The following MPHOSPH10 variants were observed in gnomAD, a reference collection of about 807,000 sequenced individuals.
The protein encoded by MPHOSPH10 is M-phase phosphoprotein 10.
MPHOSPH10 carries 33 observed loss-of-function variants against 77.3 expected under a neutral mutation model. The ratio of observed to expected loss-of-function variants is 0.43; its 90% CI spans 0.32 to 0.57. MPHOSPH10 has a LOEUF of 0.57. Ranked by LOEUF, MPHOSPH10 falls within the 20% of genes least tolerant of loss-of-function variation. The pLI is 0.07. For missense variants in MPHOSPH10, 708 were observed against 780.1 expected, an observed-to-expected ratio of 0.91 and a Z score of 1.10; for synonymous variants, 245 against 268.0, an observed-to-expected ratio of 0.91 and a Z score of 0.84.
In MPHOSPH10 at chr2:71,133,942, T is replaced by C; in HGVS notation, c.769-6T>C. ...ATTAATAGTTTTTAATATCTTTTTA[T>C]TTTAGTCAGGTAAAAGTTCCAGAAA... On this transcript the variant is annotated splice_region_variant and splice_polypyrimidine_tract_variant and intron_variant, in intron 2 of 10. Transcript: ENST00000244230. 6.6e-7 allele frequency: 1 copy of C among 1,520,862 alleles called. No individual in the cohort carries two copies. The highest frequency in any genetic ancestry group is 2.1e-5 in the Admixed American group (1 of 48,166). The allele number at this position is 1,520,862 out of a possible 1,614,324, so 94.2% of individuals were successfully genotyped here. A position where few individuals can be genotyped will look rare whatever the true frequency, so the allele number is the denominator to read the frequency against.
chr2:71,142,924 T>C (rs957701001), intron 7 of MPHOSPH10, among the ~76,000 whole-genome samples: 1 of 152,096 alleles, frequency 6.6e-6, no homozygotes, highest in Non-Finnish European at 1.5e-5. Flanking sequence ...TCTTAGGCAT[T>C]TAGAATAAGC....
chr2:71,141,103 A>C (rs1242842891), intron 6 of MPHOSPH10, 129 bp from the exon 7 acceptor site: 1 of 391,856 alleles, frequency 2.6e-6, no homozygotes, highest in Non-Finnish European at 3.7e-6. Context: ...TTTACTATTA[A>C]TATATTAATG....
chr2:71,149,167 G>C, intron 9 of MPHOSPH10, 56 bp from the exon 10 acceptor site: 1 of 1,470,298 alleles, frequency 6.8e-7, no homozygotes, highest in Non-Finnish European at 9.1e-7. Context: ...TTCCATTCCA[G>C]TTTCCTAGTT....
chr2:71,142,433 A>G (rs566834348), intron 7 of MPHOSPH10, among the ~76,000 whole-genome samples: 9 of 152,352 alleles, frequency 5.9e-5, no homozygotes, highest in East Asian at 3.9e-4. Flanking sequence ...AAAATTAGAT[A>G]GGTAATGCAA....
chr2:71,144,545 G>A lies in MPHOSPH10; in HGVS notation c.1557+7G>A, dbSNP rs1248180692. 2 of 1,592,866 alleles carry A rather than the reference G, an allele frequency of 1.3e-6. No individual in the cohort carries two copies. The highest frequency in any genetic ancestry group is 1.7e-5 in the Admixed American group (1 of 59,946). Reference sequence around the variant, plus strand: ...CCACTTTATCCCTAAACCGGTAAGTGTGTTAACAGTTCAGTGTGTAGCTAG... The same window carrying A: ...CCACTTTATCCCTAAACCGGTAAGTATGTTAACAGTTCAGTGTGTAGCTAG... On this transcript the variant is annotated splice_region_variant and intron_variant, in intron 8 of 10. Transcript: ENST00000244230.
chr2:71,141,309 T>C lies in MPHOSPH10; in HGVS notation c.1386T>C (p.His462=), dbSNP rs1325134740. The C allele has an allele frequency of 1.9e-6, 3 of 1,571,080 alleles. No homozygotes were observed. In the African/African-American group the frequency reaches 4.1e-5, roughly 22 times the overall value. Reference sequence around the variant, plus strand: ...ATAAAAAGCGTTTAACCTTAGACCATGAGAAGAGTAAATTGAGCCTTGCTG... The same window carrying C: ...ATAAAAAGCGTTTAACCTTAGACCACGAGAAGAGTAAATTGAGCCTTGCTG... ...YEYKKRLTLD[H]EKSKLSLAEI... Residue 462 remains histidine (H), a synonymous_variant, in exon 7 of 11, where the codon CAT becomes CAC. Transcript: ENST00000244230.
chr2:71,130,750 C>G lies in MPHOSPH10; in HGVS notation c.85C>G (p.Leu29Val), dbSNP rs1296398420. 1 of 1,607,834 alleles carries G rather than the reference C, an allele frequency of 6.2e-7. No homozygotes were observed. Among genetic ancestry groups the G allele is most frequent in the South Asian group, 1.1e-5 (1 of 90,664 alleles). Residue 29 changes from leucine to valine, a missense_variant, in exon 1 of 11, where the codon CTC becomes GTC. Physicochemically the swap from Leu to Val is conservative, Grantham distance 32 (BLOSUM62 1). Around this residue, in one of 3 missense-constraint regions of MPHOSPH10, gnomAD observed 433 missense variants for 432.6 expected, o/e 1.00. Coordinates refer to ENST00000244230, the MANE Select transcript of MPHOSPH10 (RefSeq NM_005791.3). The part of the protein sequence containing the change: ...GKATGRPECF[L>V]TIQEGLASKF... ...AGCCACGGGTCGGCCCGAGTGCTTCCTCACGTAAGTGCGCAGATCCCGGGC... is the reference window on the plus strand; with the variant it reads ...AGCCACGGGTCGGCCCGAGTGCTTCGTCACGTAAGTGCGCAGATCCCGGGC...
intron 7 of MPHOSPH10, among the ~76,000 whole-genome samples, chr2:71,143,166 G>A (rs963872170): frequency 1.3e-4 from 19 of 145,536 alleles, no homozygotes; most frequent in African/African-American, 1.8e-4. Flanking sequence ...TTTTTGAGAC[G>A]GAGTCTTGCT....
chr2:71,133,311 A>G lies in MPHOSPH10; in HGVS notation c.503A>G (p.Asp168Gly). ...CTGAGGAAAAGCCCCGTTTTCAGTGATGAGGATTCTGACCTTGACTTTGAT... is the reference window on the plus strand; with the variant it reads ...CTGAGGAAAAGCCCCGTTTTCAGTGGTGAGGATTCTGACCTTGACTTTGAT... ...SDLRKSPVFS[D>G]EDSDLDFDIS... The change falls in exon 2 of 11, where the codon GAT becomes GGT. Residue 168 changes from aspartate to glycine, a missense_variant. Asp to Gly is a moderately conservative substitution (Grantham distance 94). Transcript: ENST00000244230. 6.2e-7 allele frequency: 1 copy of G among 1,614,162 alleles called. No homozygotes were observed. The highest frequency in any genetic ancestry group is 2.2e-5 in the East Asian group (1 of 44,874).
At chr2:71,147,915 C>A in intron 8 of MPHOSPH10, 84 bp from the exon 9 acceptor site, 2 of 1,040,840 alleles carry the variant, frequency 1.9e-6, no homozygotes, top group Non-Finnish European at 3.0e-6. Context: ...ATATATTATA[C>A]TTTAAGTTAA....
In MPHOSPH10 at chr2:71,133,935, CTTTTTA is replaced by C; in HGVS notation, c.769-8_769-3del. ...ATCCCTAATTAATAGTTTTTAATAT[CTTTTTA>C]TTTTAGTCAGGTAAAAGTTCCAGAA... On this transcript the variant is annotated splice_polypyrimidine_tract_variant and splice_region_variant and intron_variant, in intron 2 of 10. Coordinates refer to ENST00000244230, the MANE Select transcript of MPHOSPH10 (RefSeq NM_005791.3). The C allele has an allele frequency of 3.4e-6, 5 of 1,484,562 alleles. No homozygotes were observed. The South Asian group carries it at 5.2e-5, about 15-fold the overall frequency. The allele number at this position is 1,484,562 out of a possible 1,614,324, so 92.0% of individuals were successfully genotyped here.
At chr2:71,144,825 C>T (rs577711726) in intron 8 of MPHOSPH10, among the ~76,000 whole-genome samples, 8 of 152,038 alleles carry the variant, frequency 5.3e-5, no homozygotes, top group East Asian at 3.9e-4. Context: ...GATCCTCAGC[C>T]GTAGCCACAG....
Position 71,141,366 on chromosome 2 carries a change from C to T in MPHOSPH10, c.1443C>T (p.Asn481=), listed in dbSNP as rs200379927. The change falls in exon 7 of 11, where the codon AAC becomes AAT. Residue 481 remains asparagine (N), a synonymous_variant. Coordinates refer to ENST00000244230, the MANE Select transcript of MPHOSPH10 (RefSeq NM_005791.3). ...ATGAACAGGAGTACATCAAACTCAA[C>T]CAGGTGAGGAAGCCTGTAAGGCCAA... The part of the protein sequence containing the change: ...EIYEQEYIKL[N]QQKTAEEENP... 3.0e-5 allele frequency: 46 copies of T among 1,530,006 alleles called. No homozygotes were observed. Among genetic ancestry groups the T allele is most frequent in the Middle Eastern group, 3.5e-4 (2 of 5,788 alleles). The allele number at this position is 1,530,006 out of a possible 1,614,324, so 94.8% of individuals were successfully genotyped here.
rs769027954 is a variant in MPHOSPH10 at position 71,138,477 on chromosome 2, A to G, written c.1099-13A>G. On this transcript the variant is annotated splice_polypyrimidine_tract_variant and intron_variant, in intron 4 of 10. Transcript: ENST00000244230. ...TTTCTAAATGTATACTAGTTATTTT[A>G]TCTCTTTCTTAGATGAATGAAAAAA... is the stretch of plus-strand genomic sequence containing the variant. The G allele has an allele frequency of 1.3e-6, 2 of 1,537,034 alleles. No homozygotes were observed. Among genetic ancestry groups the G allele is most frequent in the Non-Finnish European group, 1.8e-6 (2 of 1,137,888 alleles).
At position 71,130,686 on chromosome 2, in the gene MPHOSPH10, T is replaced by C; in HGVS notation, c.21T>C (p.Arg7=). The stretch of plus-strand genomic sequence containing the variant: ...CAGCCATGGCGCCGCAGGTCTGGCG[T>C]CGACGGACCCTGGAGCGGTGTCTGA... MAPQVW[R]RRTLERCLTE... The change falls in exon 1 of 11, where the codon CGT becomes CGC. Residue 7 remains arginine, a synonymous_variant. Coordinates refer to ENST00000244230, the MANE Select transcript of MPHOSPH10 (RefSeq NM_005791.3). 6.2e-7 allele frequency: 1 copy of C among 1,610,288 alleles called. No homozygotes were observed. Among genetic ancestry groups the C allele is most frequent in the Non-Finnish European group, 8.5e-7 (1 of 1,178,882 alleles).
chr2:71,141,302 T>C lies in MPHOSPH10; in HGVS notation c.1379T>C (p.Leu460Ser), dbSNP rs1274120083. 2 of 1,573,946 alleles carry C rather than the reference T, an allele frequency of 1.3e-6. No homozygotes were observed. The highest frequency in any genetic ancestry group is 3.7e-5 in the Admixed American group (2 of 54,226). ...TATGAATATAAAAAGCGTTTAACCT[T>C]AGACCATGAGAAGAGTAAATTGAGC... is the stretch of plus-strand genomic sequence containing the variant. ...DAYEYKKRLTLDHEKSKLSLA... is the reference protein window; with the variant it reads ...DAYEYKKRLTSDHEKSKLSLA... The change falls in exon 7 of 11, where the codon TTA becomes TCA. Residue 460 changes from leucine (L) to serine (S), a missense_variant. Leu to Ser is a moderately radical substitution (Grantham distance 145, BLOSUM62 -2). Coordinates refer to ENST00000244230, the MANE Select transcript of MPHOSPH10 (RefSeq NM_005791.3).
intron 8 of MPHOSPH10, among the ~76,000 whole-genome samples, chr2:71,147,069 T>C (rs376740278): frequency 6.6e-6 from 1 of 152,168 alleles, no homozygotes; most frequent in South Asian, 2.1e-4. Context: ...TTGATACTGT[T>C]TGAGTTTTTC....
At chr2:71,136,680 A>G (rs543265056) in intron 4 of MPHOSPH10, among the ~76,000 whole-genome samples, 200 of 152,192 alleles carry the variant, frequency 1.3e-3, no homozygotes, top group Non-Finnish European at 1.2e-3. Context: ...TAAAATATCA[A>G]TGAGTTAGTA....
chr2:71,133,634 T>C lies in MPHOSPH10; in HGVS notation c.768+58T>C. ...TCCTCAAATTAGCTTTTCTTCTGTTTTTCTAGGAGAGATTTAATTGTAGTT... is the reference window on the plus strand; with the variant it reads ...TCCTCAAATTAGCTTTTCTTCTGTTCTTCTAGGAGAGATTTAATTGTAGTT... On this transcript the variant is annotated intron_variant, in intron 2 of 10. Transcript: ENST00000244230. 3 of 1,460,850 alleles carry C rather than the reference T, an allele frequency of 2.1e-6. No individual in the cohort carries two copies. The South Asian group carries it at 4.2e-5, about 21-fold the overall frequency. The allele number at this position is 1,460,850 out of a possible 1,614,324, so 90.5% of individuals were successfully genotyped here.
Sources: allele counts gnomAD v4.1 joint callset (sites outside exome capture counted in the v4.1 genomes callset), GRCh38; gene constraint gnomAD v4.1.1; regional missense constraint gnomAD v4.1.1; transcripts MANE v1.5; gene names NCBI Gene and HGNC (gene_info 2026-07-23, HGNC 2026-07-21).